Variants in KCNMB1 observed in about 807,000 individuals in gnomAD.
KCNMB1 encodes the protein potassium calcium-activated channel subfamily M regulatory beta subunit 1.
A neutral mutation model predicts 21.7 loss-of-function variants in KCNMB1; 22 were observed. The ratio of observed to expected loss-of-function variants is 1.01; its 90% CI spans 0.72 to 1.45. KCNMB1 has a LOEUF of 1.45. KCNMB1 is among the 40% of genes most tolerant of loss of function. KCNMB1 has a pLI of 0.00. For synonymous variants in KCNMB1, 114 were observed against 107.6 expected, an observed-to-expected ratio of 1.06 and a Z score of -0.37; for missense variants, 243 against 243.4, an observed-to-expected ratio of 1.00 and a Z score of 0.01.
intron 2 of KCNMB1, among the ~76,000 whole-genome samples, chr5:170,384,516 C>A (rs1764385582): frequency 6.6e-6 from 1 of 152,166 alleles, no homozygotes; most frequent in South Asian, 2.1e-4. Context: ...CTGCAGCAGG[C>A]CCGGGAGAGG....
chr5:170,379,093 C>A lies in KCNMB1; in HGVS notation c.307-120G>T, dbSNP rs551029494. 1.1e-4 allele frequency: 132 copies of A among 1,246,366 alleles called. 1 individual carries two copies. In the Middle Eastern group the frequency reaches 1.1e-3, roughly 10 times the overall value. 77.2% of individuals were successfully genotyped at this position (1,246,366 alleles called of 1,614,324 possible). A position where few individuals can be genotyped will look rare whatever the true frequency, so the allele number is the denominator to read the frequency against. On this transcript the variant is annotated intron_variant, in intron 3 of 3. Coordinates refer to ENST00000274629, the MANE Select transcript of KCNMB1 (RefSeq NM_004137.4). ...TCGGGCCCCTGGATTGGAGTCGGGG[C>A]TTTGGTCTAAAGCTTGGCAGGCCAT...
chr5:170,380,023 G>A (rs1764177700), intron 3 of KCNMB1, among the ~76,000 whole-genome samples: 1 of 151,964 alleles, frequency 6.6e-6, no homozygotes, highest in Non-Finnish European at 1.5e-5. Context: ...CCTGTGTACA[G>A]CAAACAAACT....
chr5:170,374,843 C>T lies in KCNMB1; in HGVS notation c.*3861G>A, dbSNP rs1182664785. On this transcript the variant is annotated 3_prime_UTR_variant, in exon 4 of 4. Coordinates refer to ENST00000274629, the MANE Select transcript of KCNMB1 (RefSeq NM_004137.4). ...GAGCAGCAGACAGTTGTGGCATTTG[C>T]TAGAAGGCCAGTCTTTATTGACAGG... 3 of 152,274 alleles carry T rather than the reference C, an allele frequency of 2.0e-5. No individual in the cohort carries two copies. The highest frequency in any genetic ancestry group is 6.5e-5 in the Admixed American group (1 of 15,304). 9.4% of individuals were successfully genotyped at this position (152,274 alleles called of 1,614,324 possible).
intron 1 of KCNMB1, among the ~76,000 whole-genome samples, chr5:170,386,082 G>A (rs557868940): frequency 1.5e-3 from 225 of 150,392 alleles, no homozygotes; most frequent in African/African-American, 5.2e-3. Context: ...GCAGAGATGC[G>A]CCACTGCACT....
chr5:170,379,917 A>G (rs1160911915), intron 3 of KCNMB1, among the ~76,000 whole-genome samples: 1 of 151,212 alleles, frequency 6.6e-6, no homozygotes, highest in Non-Finnish European at 1.5e-5. Flanking sequence ...TCGCAACTAC[A>G]CTCCAGGTAA....
At chr5:170,386,249 A>C (rs182905895) in intron 1 of KCNMB1, among the ~76,000 whole-genome samples, 8 of 152,340 alleles carry the variant, frequency 5.3e-5, no homozygotes, top group African/African-American at 1.7e-4. Flanking sequence ...GGGAGATTAA[A>C]CAGATGAGAA....
chr5:170,380,136 T>C (rs563343714), intron 3 of KCNMB1, among the ~76,000 whole-genome samples: 4 of 152,220 alleles, frequency 2.6e-5, no homozygotes, highest in African/African-American at 7.2e-5. Flanking sequence ...AATTCTGACG[T>C]TGATTATTGT....
At chr5:170,387,144 C>T (rs1166257060) in intron 1 of KCNMB1, among the ~76,000 whole-genome samples, 1 of 152,048 alleles carries the variant, frequency 6.6e-6, no homozygotes, top group Non-Finnish European at 1.5e-5. Flanking sequence ...ACCAAAAATA[C>T]CAGGAAGCTA....
chr5:170,382,940 CAAGG>C (rs60329523), intron 3 of KCNMB1: 36,070 of 130,888 alleles, frequency 0.28, 4,563 homozygotes, highest in South Asian at 0.36. Context: ...AAGAAGGAAA[CAAGG>C]AAGGAAGGAA....
At chr5:170,385,276 G>A in intron 2 of KCNMB1, 38 bp downstream of exon 2, 3 of 1,610,902 alleles carry the variant, frequency 1.9e-6, no homozygotes, top group Non-Finnish European at 2.5e-6. Context: ...ACCCTTAGGA[G>A]AGGGTTGGGG....
Position 170,384,482 on chromosome 5 carries a change from G to A in KCNMB1, c.135-632C>T, listed in dbSNP as rs146352516. Among the ~76,000 whole-genome samples the A allele has an allele frequency of 1.4e-4, 21 of 152,332 alleles. No homozygotes were observed. The East Asian group carries it at 3.7e-3, about 27-fold the overall frequency. On this transcript the variant is annotated intron_variant, in intron 2 of 3. Coordinates refer to ENST00000274629, the MANE Select transcript of KCNMB1 (RefSeq NM_004137.4). Reference sequence around the variant, plus strand: ...CAGATTAAGAGTCCAGCCTGGAATCGCTTCAGCGTTGTGAAGAGTGAGGCT... The same window carrying A: ...CAGATTAAGAGTCCAGCCTGGAATCACTTCAGCGTTGTGAAGAGTGAGGCT...
chr5:170,385,944 C>A (rs1355292260), intron 1 of KCNMB1, among the ~76,000 whole-genome samples: 8 of 151,612 alleles, frequency 5.3e-5, no homozygotes, highest in Admixed American at 2.6e-4. Context: ...ATGGTGAAAC[C>A]CCATCTCTAC....
chr5:170,383,816 C>T lies in KCNMB1; in HGVS notation c.169G>A (p.Glu57Lys), dbSNP rs1359092719. 1 of 1,613,954 alleles carries T rather than the reference C, an allele frequency of 6.2e-7. No homozygotes were observed. The highest frequency in any genetic ancestry group is 8.5e-7 in the Non-Finnish European group (1 of 1,180,006). The stretch of plus-strand genomic sequence containing the variant: ...TCCTCCTGGTCCCTGATGTTGGTCT[C>T]AATCAGGTGGCACTTGGATTCCTGG... ...WTQESKCHLI[E>K]TNIRDQEELK... Residue 57 changes from glutamate (E) to lysine (K), a missense_variant, in exon 3 of 4, where the codon GAG (glutamate) becomes AAG (lysine). Physicochemically the swap from Glu to Lys is moderately conservative, Grantham distance 56. Transcript: ENST00000274629.
chr5:170,383,995 G>A lies in KCNMB1; in HGVS notation c.135-145C>T, dbSNP rs1220815975. ...CTTGTCTTCAGCATCCAGCAATAAA[G>A]GCACATGACCCCACAGTCCCCGGAC... On this transcript the variant is annotated intron_variant, in intron 2 of 3. Transcript: ENST00000274629. 5.2e-6 allele frequency: 4 copies of A among 772,206 alleles called. No homozygotes were observed. In the African/African-American group the frequency reaches 7.0e-5, roughly 13 times the overall value. The allele number at this position is 772,206 out of a possible 1,614,324, so 47.8% of individuals were successfully genotyped here.
Position 170,383,678 on chromosome 5 carries a change from C to T in KCNMB1, c.306+1G>A, listed in dbSNP as rs1051684257. The T allele has an allele frequency of 2.5e-6, 4 of 1,614,114 alleles. No homozygotes were observed. In the Admixed American group the frequency reaches 5.0e-5, roughly 20 times the overall value. ...GTGTCCCCATCCCTCCAGTTCAGTA[C>T]CTGCTGGTTCTGGTCCCGAGTGTCC... On this transcript the variant is annotated splice_donor_variant, in intron 3 of 3. Coordinates refer to ENST00000274629, the MANE Select transcript of KCNMB1 (RefSeq NM_004137.4). LOFTEE classifies it high-confidence loss of function.
At chr5:170,388,197 A>C (rs1764564196) in intron 1 of KCNMB1, among the ~76,000 whole-genome samples, 1 of 152,242 alleles carries the variant, frequency 6.6e-6, no homozygotes, top group African/African-American at 2.4e-5. Flanking sequence ...AACTTGGCTT[A>C]TTCAGGTCTG....
chr5:170,380,314 T>C (rs1764188747), intron 3 of KCNMB1, among the ~76,000 whole-genome samples: 2 of 152,198 alleles, frequency 1.3e-5, no homozygotes, highest in African/African-American at 4.8e-5. Flanking sequence ...CCCTACCCAC[T>C]CTGCATCACT....
intron 2 of KCNMB1, among the ~76,000 whole-genome samples, chr5:170,384,513 A>G (rs1405649305): frequency 6.6e-6 from 1 of 152,226 alleles, no homozygotes. Flanking sequence ...AGGCTGCAGC[A>G]GGCCCGGGAG....
Position 170,375,156 on chromosome 5 carries a change from T to C in KCNMB1, c.*3548A>G, listed in dbSNP as rs920351041. The C allele has an allele frequency of 2.0e-5, 3 of 152,212 alleles. No homozygotes were observed. Among genetic ancestry groups the C allele is most frequent in the African/African-American group, 7.2e-5 (3 of 41,452 alleles). 9.4% of individuals were successfully genotyped at this position (152,212 alleles called of 1,614,324 possible). On this transcript the variant is annotated 3_prime_UTR_variant, in exon 4 of 4. Coordinates refer to ENST00000274629, the MANE Select transcript of KCNMB1 (RefSeq NM_004137.4). ...GATAATTGTAGATTCACATGAAGCTTTACGAAATAATACAGAGACATTCCG... is the reference window on the plus strand; with the variant it reads ...GATAATTGTAGATTCACATGAAGCTCTACGAAATAATACAGAGACATTCCG...
Sources: allele counts gnomAD v4.1 joint callset (sites outside exome capture counted in the v4.1 genomes callset), GRCh38; gene constraint gnomAD v4.1.1; transcripts MANE v1.5; gene names NCBI Gene and HGNC (gene_info 2026-07-23, HGNC 2026-07-21).